Variants in CASZ1 observed in about 807,000 individuals in gnomAD.
The protein encoded by CASZ1 is zinc finger protein castor homolog 1.
Under a neutral mutation model 135.2 loss-of-function variants are expected in CASZ1, and 28 were observed. That is an observed-to-expected ratio of 0.21 (90% CI 0.15 to 0.28). CASZ1 has a LOEUF of 0.28. CASZ1 is among the 10% of genes least tolerant of loss of function. CASZ1 has a pLI of 1.00. For synonymous variants in CASZ1, 1,068 were observed against 1,073.4 expected (o/e 0.99, Z 0.10); for missense variants, 2,161 against 2,453.3 (o/e 0.88, Z 2.52).
chr1:10,764,873 C>T (rs759511417), intron 1 of CASZ1, among the ~76,000 whole-genome samples: 1 of 152,128 alleles, frequency 6.6e-6, no homozygotes, highest in Non-Finnish European at 1.5e-5. Flanking sequence ...GCAGGATGAA[C>T]CCCTGAACAC....
chr1:10,642,243 C>T (rs757897002), intron 20 of CASZ1: 7 of 141,102 alleles, frequency 5.0e-5, no homozygotes, highest in Non-Finnish European at 6.0e-5. Flanking sequence ...GAGTCGCTGG[C>T]GGCTGCGGGG....
At chr1:10,787,671 A>G (rs573928083) in intron 1 of CASZ1, among the ~76,000 whole-genome samples, 1 of 152,076 alleles carries the variant, frequency 6.6e-6, no homozygotes, top group Non-Finnish European at 1.5e-5. Context: ...ACACACGCAT[A>G]CACACACGCT....
At position 10,727,501 on chromosome 1, in the gene CASZ1, C is replaced by T. The variant is rs543375787; in HGVS notation, c.-76-21957G>A. 6.6e-6 allele frequency among the ~76,000 whole-genome samples: 1 copy of T among 152,248 alleles called. No individual in the cohort carries two copies. Among genetic ancestry groups the T allele is most frequent in the African/African-American group, 2.4e-5 (1 of 41,556 alleles). ...CAGCCCAACAGTGCCCCAGTGCCCA[C>T]CCTCTGAAAGTTGGGAAGCTTTTAC... On this transcript the variant is annotated intron_variant, in intron 2 of 20. Coordinates refer to ENST00000377022, the MANE Select transcript of CASZ1 (RefSeq NM_001079843.3). The surrounding 1 kb of genome is among the most constrained non-coding windows in gnomAD (Gnocchi z 5.3).
At position 10,725,088 on chromosome 1, in the gene CASZ1, C is replaced by G. The variant is rs140388766; in HGVS notation, c.-76-19544G>C. On this transcript the variant is annotated intron_variant, in intron 2 of 20. Coordinates refer to ENST00000377022, the MANE Select transcript of CASZ1 (RefSeq NM_001079843.3). The surrounding 1 kb of genome is among the most constrained non-coding windows in gnomAD (Gnocchi z 4.4). ...CGCAGACGTGCAGGTGGCTGTTCTT[C>G]CCTGGAGGGAGGGGGCTTGGGCTCC... 6.6e-6 allele frequency among the ~76,000 whole-genome samples: 1 copy of G among 152,220 alleles called. No homozygotes were observed. The highest frequency in any genetic ancestry group is 6.5e-5 in the Admixed American group (1 of 15,288).
At chr1:10,684,148 G>A (rs1043829938) in intron 4 of CASZ1, among the ~76,000 whole-genome samples, 4 of 151,992 alleles carry the variant, frequency 2.6e-5, no homozygotes, top group Admixed American at 1.3e-4. Context: ...TGGCTCTCTC[G>A]GAAGGAAGGC....
chr1:10,660,586 C>T (rs1446336942), intron 5 of CASZ1, 50 bp from the exon 6 acceptor site: 16 of 1,534,956 alleles, frequency 1.0e-5, no homozygotes, highest in Non-Finnish European at 1.4e-5. Context: ...GTGGGAGGGA[C>T]AGGAGGTCCC....
chr1:10,643,146 G>T lies in CASZ1; in HGVS notation c.4020+14C>A, dbSNP rs1359074650. The T allele has an allele frequency of 4.3e-6, 7 of 1,609,366 alleles. No homozygotes were observed. The highest frequency in any genetic ancestry group is 1.7e-5 in the Admixed American group (1 of 59,906). ...GCCACCCTGGCTGGGCTCTCACCTG[G>T]GGGGGGCTCTCACCTGGGAGGGGGG... On this transcript the variant is annotated intron_variant, in intron 19 of 20. Coordinates refer to ENST00000377022, the MANE Select transcript of CASZ1 (RefSeq NM_001079843.3).
chr1:10,743,459 C>CTAAGTGTACCCTCG (rs1639968120), intron 2 of CASZ1, among the ~76,000 whole-genome samples: 1 of 151,970 alleles, frequency 6.6e-6, no homozygotes. Context: ...CGAGAACCTT[C>CTAAGTGTACCCTCG]TAAGTGTACC....
intron 4 of CASZ1, among the ~76,000 whole-genome samples, chr1:10,682,914 TC>T (rs1419328730): frequency 6.6e-6 from 1 of 152,176 alleles, no homozygotes. Context: ...GGGCCTGTCA[TC>T]CCCCTGCTTC....
chr1:10,673,405 AAC>A (rs1197320118), intron 4 of CASZ1, among the ~76,000 whole-genome samples: 3 of 152,096 alleles, frequency 2.0e-5, no homozygotes, highest in African/African-American at 7.2e-5. Context: ...CCCTTCGCCT[AAC>A]AGCCTTCTTA....
chr1:10,698,701 G>C (rs1352181720), intron 3 of CASZ1, among the ~76,000 whole-genome samples: 2 of 152,082 alleles, frequency 1.3e-5, no homozygotes, highest in African/African-American at 4.8e-5. Context: ...CCTGGCAGGG[G>C]AGGGCTGAGG....
At chr1:10,693,777 G>GCCCCCC in intron 4 of CASZ1, 97 bp downstream of exon 4, 2 of 757,008 alleles carry the variant, frequency 2.6e-6, no homozygotes, top group Non-Finnish European at 4.3e-6. Context: ...CCCCCACCCG[G>GCCCCCC]CCCCGCCGCC....
chr1:10,673,554 G>A (rs912608469), intron 4 of CASZ1, among the ~76,000 whole-genome samples: 1 of 152,124 alleles, frequency 6.6e-6, no homozygotes, highest in Non-Finnish European at 1.5e-5. Context: ...GACAGCCCCA[G>A]TTCTAACTGG....
chr1:10,667,881 T>C (rs1643283502), intron 4 of CASZ1, among the ~76,000 whole-genome samples: 2 of 147,866 alleles, frequency 1.4e-5, no homozygotes, highest in African/African-American at 5.0e-5. Context: ...CTCGGCTGTG[T>C]GCCTGGCTCA....
At chr1:10,770,647 C>T (rs903122657) in intron 1 of CASZ1, among the ~76,000 whole-genome samples, 11 of 152,122 alleles carry the variant, frequency 7.2e-5, no homozygotes, top group Admixed American at 6.5e-4. Context: ...CTAGGAGCCC[C>T]GAGCCCACAG....
rs1218794109 is a variant in CASZ1, at chr1:10,725,184, C to T, written c.-76-19640G>A. 6.6e-6 allele frequency among the ~76,000 whole-genome samples: 1 copy of T among 152,132 alleles called. No homozygotes were observed. The highest frequency in any genetic ancestry group is 1.5e-5 in the Non-Finnish European group (1 of 68,008). On this transcript the variant is annotated intron_variant, in intron 2 of 20. Coordinates refer to ENST00000377022, the MANE Select transcript of CASZ1 (RefSeq NM_001079843.3). The surrounding 1 kb of genome is among the most constrained non-coding windows in gnomAD (Gnocchi z 4.4). ...GGATACGGCGAGAACGTGTTAAGACCAAGGAGTGACCATGTCACTGCCCAG... is the reference window on the plus strand; with the variant it reads ...GGATACGGCGAGAACGTGTTAAGACTAAGGAGTGACCATGTCACTGCCCAG...
At position 10,794,070 on chromosome 1, in the gene CASZ1, C is replaced by CAGGG. The variant is rs1301586254; in HGVS notation, c.-234+2493_-234+2494insCCCT. On this transcript the variant is annotated intron_variant, in intron 1 of 20. Transcript: ENST00000377022. This position sits in a 1 kb window ranked among gnomAD's most constrained non-coding sequence, Gnocchi z 5.6. ...GGCTCAGCCCCCGGGGAACAACTAC[C>CAGGG]CCCCTCCCCATGCCCGGCGCAGCTG... Among the ~76,000 whole-genome samples, 1 of 152,162 alleles carries CAGGG rather than the reference C, an allele frequency of 6.6e-6. No individual in the cohort carries two copies. Among genetic ancestry groups the CAGGG allele is most frequent in the East Asian group, 1.9e-4 (1 of 5,186 alleles).
Position 10,657,349 on chromosome 1 carries a change from C to T in CASZ1, c.1410-613G>A, listed in dbSNP as rs936946454. On this transcript the variant is annotated intron_variant, in intron 7 of 20. Transcript: ENST00000377022. This position sits in a 1 kb window ranked among gnomAD's most constrained non-coding sequence, Gnocchi z 5.7. ...CGCTGGGACGTGGCTCCCACAGCCTCGGTGACGGCCGGCCGTGGGGAGGCC... is the reference window on the plus strand; with the variant it reads ...CGCTGGGACGTGGCTCCCACAGCCTTGGTGACGGCCGGCCGTGGGGAGGCC... Among the ~76,000 whole-genome samples the T allele has an allele frequency of 1.3e-5, 2 of 152,284 alleles. No homozygotes were observed. Among genetic ancestry groups the T allele is most frequent in the Non-Finnish European group, 2.9e-5 (2 of 68,018 alleles).
At chr1:10,793,849 C>T (rs938459841) in intron 1 of CASZ1, among the ~76,000 whole-genome samples, 1 of 152,178 alleles carries the variant, frequency 6.6e-6, no homozygotes, top group Non-Finnish European at 1.5e-5. Flanking sequence ...GCGAGGGGCA[C>T]ACCCTAAAAA....
Sources: allele counts gnomAD v4.1 joint callset (sites outside exome capture counted in the v4.1 genomes callset), GRCh38; gene constraint gnomAD v4.1.1; non-coding constraint Gnocchi (gnomAD v3.1); transcripts MANE v1.5; gene names NCBI Gene and HGNC (gene_info 2026-07-23, HGNC 2026-07-21).